The following PCNT variants were observed in gnomAD, a reference collection of about 807,000 sequenced individuals.
PCNT encodes kendrin.
PCNT carries 319 observed loss-of-function variants against 380.4 expected under a neutral mutation model. The ratio of observed to expected loss-of-function variants is 0.84; its 90% CI spans 0.77 to 0.92. The LOEUF (loss-of-function observed/expected upper bound fraction) is 0.92, where lower values mean the gene tolerates loss of function less well. Among genes scored for constraint, PCNT ranks in the 40% least tolerant of loss-of-function variants. The pLI is 0.00. For missense variants in PCNT, 4,400 were observed against 4,255.3 expected (o/e 1.03, Z -0.95); for synonymous variants, 1,845 against 1,735.2 (o/e 1.06, Z -1.57).
At chr21:46,432,330 C>T (rs1156481064) in intron 38 of PCNT, 115 bp downstream of exon 38, 34 of 1,012,624 alleles carry the variant, frequency 3.4e-5, no homozygotes, top group Non-Finnish European at 4.8e-5. Context: ...CTGGTCTGCT[C>T]TGGTCTGTGT....
Position 46,404,324 on chromosome 21 carries a change from C to G in PCNT, c.5115+1841C>G, listed in dbSNP as rs183340619. On this transcript the variant is annotated intron_variant, in intron 27 of 46. Coordinates refer to ENST00000359568, the MANE Select transcript of PCNT (RefSeq NM_006031.6). ...CTTATTTAATTAGGACATTTCATAT[C>G]TGTAGGGTCAGTGGAATATTTCCCT... Among the ~76,000 whole-genome samples, 13 of 152,370 alleles carry G rather than the reference C, an allele frequency of 8.5e-5. No individual in the cohort carries two copies. In the East Asian group the frequency reaches 2.5e-3, roughly 29 times the overall value.
intron 16 of PCNT, among the ~76,000 whole-genome samples, chr21:46,384,592 A>G (rs1394598172): frequency 2.8e-5 from 4 of 143,932 alleles, no homozygotes; most frequent in Non-Finnish European, 6.1e-5. Context: ...AAGCCCATTC[A>G]CAGTGCTGTA....
At chr21:46,375,604 C>T (rs1333467749) in intron 15 of PCNT, among the ~76,000 whole-genome samples, 2 of 134,248 alleles carry the variant, frequency 1.5e-5, no homozygotes, top group African/African-American at 5.1e-5. Context: ...CTCCTTTGAG[C>T]CGGCCCGGTC....
chr21:46,380,842 C>T (rs1216983518), intron 15 of PCNT, among the ~76,000 whole-genome samples: 1 of 152,062 alleles, frequency 6.6e-6, no homozygotes, highest in Non-Finnish European at 1.5e-5. Flanking sequence ...AGTGCTACCT[C>T]TGGAAGTTTA....
intron 15 of PCNT, among the ~76,000 whole-genome samples, chr21:46,372,174 A>G (rs2085165704): frequency 6.7e-6 from 1 of 148,836 alleles, no homozygotes; most frequent in African/African-American, 2.5e-5. Flanking sequence ...GCACACACAC[A>G]GCACATGCAC....
intron 36 of PCNT, 114 bp from the exon 37 acceptor site, chr21:46,430,393 G>C: frequency 6.9e-7 from 1 of 1,447,846 alleles, no homozygotes; most frequent in Non-Finnish European, 9.5e-7. Context: ...GTGGTGGGGG[G>C]TGAAGCACAC....
At chr21:46,387,171 CTG>C (rs1212484993) in intron 17 of PCNT, among the ~76,000 whole-genome samples, 1 of 152,230 alleles carries the variant, frequency 6.6e-6, no homozygotes, top group African/African-American at 2.4e-5. Context: ...GAGCTCACAG[CTG>C]TTTCTGGAGC....
rs113536916 is a variant in PCNT at position 46,425,948 on chromosome 21, T to C, written c.7297T>C (p.Ser2433Pro). 124 of 1,614,054 alleles carry C rather than the reference T, an allele frequency of 7.7e-5. 2 individuals carry two copies. The African/African-American group carries it at 1.0e-3, about 13-fold the overall frequency. ...PRKEDEIQDISLHGGKTQEVP... is the reference protein window; with the variant it reads ...PRKEDEIQDIPLHGGKTQEVP... ...GAAGGAAGACGAGATACAGGACATC[T>C]CGCTCCATGGGGGAAAGACGCAGGT... Residue 2433 changes from serine (S) to proline (P), a missense_variant, in exon 33 of 47, where the codon TCG becomes CCG. Physicochemically the swap from Ser to Pro is moderately conservative, Grantham distance 74. Transcript: ENST00000359568. The surrounding 1 kb of genome is among the most constrained non-coding windows in gnomAD (Gnocchi z 4.2).
chr21:46,438,858 A>G (rs1039041532), intron 41 of PCNT, among the ~76,000 whole-genome samples: 2 of 151,790 alleles, frequency 1.3e-5, no homozygotes, highest in Admixed American at 6.6e-5. Flanking sequence ...TTTTTAGTAG[A>G]GATGGGGTTT....
chr21:46,414,387 C>A (rs935115804), intron 29 of PCNT, among the ~76,000 whole-genome samples: 4 of 151,146 alleles, frequency 2.6e-5, no homozygotes, highest in African/African-American at 9.7e-5. Context: ...CACCCTTCTC[C>A]TCCTTCTCCT....
At chr21:46,384,199 C>T (rs1187296799) in intron 16 of PCNT, among the ~76,000 whole-genome samples, 3 of 146,630 alleles carry the variant, frequency 2.0e-5, no homozygotes, top group Non-Finnish European at 4.5e-5. Flanking sequence ...GTTGTGCGTT[C>T]AGTGGCAGAA....
intron 27 of PCNT, among the ~76,000 whole-genome samples, chr21:46,403,401 C>T (rs1452107569): frequency 1.4e-5 from 2 of 144,816 alleles, no homozygotes; most frequent in East Asian, 2.1e-4. Flanking sequence ...GTGGTGCCCA[C>T]GCGGCGCGTG....
chr21:46,345,914 TC>T (rs1207067258), intron 3 of PCNT, among the ~76,000 whole-genome samples: 14 of 152,230 alleles, frequency 9.2e-5, no homozygotes, highest in Admixed American at 6.5e-4. Context: ...GGGGCTTCGT[TC>T]CTTCTTGTGG....
In PCNT at chr21:46,334,307, C is replaced by G. The variant is rs1428934299; in HGVS notation, c.268-90C>G. 5.1e-6 allele frequency: 8 copies of G among 1,579,712 alleles called. No individual in the cohort carries two copies. In the Admixed American group the frequency reaches 1.2e-4, roughly 23 times the overall value. On this transcript the variant is annotated intron_variant, in intron 2 of 46. Transcript: ENST00000359568. Reference sequence around the variant, plus strand: ...CTCTACTTGTTAAATGAAGTCAGCACAGGCCTGCAGATAGAGGAGCTGGGA... The same window carrying G: ...CTCTACTTGTTAAATGAAGTCAGCAGAGGCCTGCAGATAGAGGAGCTGGGA...
intron 39 of PCNT, 80 bp downstream of exon 39, chr21:46,436,228 G>C (rs1358873048): frequency 6.5e-7 from 1 of 1,530,084 alleles, no homozygotes; most frequent in Non-Finnish European, 8.9e-7. Flanking sequence ...GGGCTGGGGC[G>C]CGTCTGGTGT....
chr21:46,349,121 A>G lies in PCNT; in HGVS notation c.1142A>G (p.Gln381Arg). 14 of 1,613,580 alleles carry G rather than the reference A, an allele frequency of 8.7e-6. No homozygotes were observed. Among genetic ancestry groups the G allele is most frequent in the Non-Finnish European group, 1.2e-5 (14 of 1,179,450 alleles). Residue 381 changes from glutamine to arginine, a missense_variant, in exon 7 of 47, where the codon CAG (glutamine) becomes CGG (arginine). Transcript: ENST00000359568. ...SEMEDLQNQFQKELAEQRAEL... is the reference protein window; with the variant it reads ...SEMEDLQNQFRKELAEQRAEL... ...ATGGAGGATTTACAAAACCAGTTTC[A>G]GAAAGAATTGGCAGAACAGAGAGCT...
At chr21:46,414,634 A>C (rs1386643333) in intron 29 of PCNT, among the ~76,000 whole-genome samples, 16 of 45,448 alleles carry the variant, frequency 3.5e-4, no homozygotes, top group Admixed American at 5.4e-4. Flanking sequence ...ACAGCCGCCC[A>C]CTCTCCTCCT....
chr21:46,386,405 C>T (rs1471531638), intron 17 of PCNT, among the ~76,000 whole-genome samples: 3 of 152,274 alleles, frequency 2.0e-5, no homozygotes, highest in Non-Finnish European at 4.4e-5. Context: ...CCTCATGCAT[C>T]TCTCTCTGTG....
At chr21:46,338,024 C>T (rs954288526) in intron 3 of PCNT, among the ~76,000 whole-genome samples, 2 of 152,142 alleles carry the variant, frequency 1.3e-5, no homozygotes, top group Non-Finnish European at 2.9e-5. Flanking sequence ...CAGGCACGTT[C>T]CACCACACCT....
Sources: gnomAD v4.1 joint callset for allele counts (sites outside exome capture counted in the v4.1 genomes callset) on GRCh38, gnomAD v4.1.1 for gene constraint, Gnocchi (gnomAD v3.1) non-coding constraint, MANE v1.5 for transcripts, NCBI Gene and HGNC (gene_info 2026-07-23, HGNC 2026-07-21) for gene names.